Variants in PALM2AKAP2 observed in about 807,000 individuals in gnomAD.
PALM2AKAP2 encodes PALM2 and AKAP2 fusion.
A neutral mutation model predicts 71.5 loss-of-function variants in PALM2AKAP2; 37 were observed. The observed-to-expected ratio is 0.52, with a 90% confidence interval of 0.40 to 0.68. The LOEUF is 0.68. Among genes scored for constraint, PALM2AKAP2 ranks in the 30% least tolerant of loss-of-function variants. The pLI is 0.00. For synonymous variants in PALM2AKAP2, 468 were observed against 478.8 expected (o/e 0.98, Z 0.29); for missense variants, 1,224 against 1,191.8 (o/e 1.03, Z -0.40).
intron 3 of PALM2AKAP2, among the ~76,000 whole-genome samples, chr9:110,161,794 A>G (rs1055539079): frequency 3.3e-5 from 5 of 152,162 alleles, no homozygotes; most frequent in Non-Finnish European, 7.3e-5. Context: ...GATTGTGTAC[A>G]GAGGGGAAGG....
chr9:109,973,861 C>A (rs1361012762), intron 6 of PALM2AKAP2, among the ~76,000 whole-genome samples: 1 of 152,164 alleles, frequency 6.6e-6, no homozygotes, highest in Non-Finnish European at 1.5e-5. Flanking sequence ...GGTATATAGC[C>A]AGCCTTGGGC....
intron 2 of PALM2AKAP2, among the ~76,000 whole-genome samples, chr9:109,876,562 A>G (rs1040295508): frequency 6.6e-6 from 1 of 151,952 alleles, no homozygotes; most frequent in African/African-American, 2.4e-5. Context: ...TCACTGCAAC[A>G]TCTGCTTCCT....
At chr9:110,032,357 G>A (rs1428205272) in intron 7 of PALM2AKAP2, among the ~76,000 whole-genome samples, 1 of 151,852 alleles carries the variant, frequency 6.6e-6, no homozygotes, top group African/African-American at 2.4e-5. Context: ...TCAGGAGTTT[G>A]AGACCAGCCT....
At chr9:109,714,897 G>A (rs1329422660) in intron 1 of PALM2AKAP2, among the ~76,000 whole-genome samples, 2 of 152,204 alleles carry the variant, frequency 1.3e-5, no homozygotes, top group Non-Finnish European at 2.9e-5. Context: ...GAGCATGAGA[G>A]TTCCCATGGG....
chr9:109,849,109 A>G (rs1484502996), intron 1 of PALM2AKAP2, among the ~76,000 whole-genome samples: 3 of 152,070 alleles, frequency 2.0e-5, no homozygotes, highest in Admixed American at 2.0e-4. Context: ...TTAGAGAGAA[A>G]GAAAGAGGGA....
chr9:109,800,223 T>C (rs1827384345), intron 1 of PALM2AKAP2, among the ~76,000 whole-genome samples: 1 of 152,260 alleles, frequency 6.6e-6, no homozygotes, highest in African/African-American at 2.4e-5. Context: ...TCAAGGCATT[T>C]ATATTTAAGA....
At chr9:109,696,666 A>G (rs1361238754) in intron 1 of PALM2AKAP2, among the ~76,000 whole-genome samples, 1 of 152,180 alleles carries the variant, frequency 6.6e-6, no homozygotes, top group Non-Finnish European at 1.5e-5. Flanking sequence ...AAAATTGGAA[A>G]GGACCTAATA....
chr9:110,152,192 A>G (rs555072451), intron 2 of PALM2AKAP2, among the ~76,000 whole-genome samples: 1 of 152,120 alleles, frequency 6.6e-6, no homozygotes, highest in Non-Finnish European at 1.5e-5. Context: ...AACCCAGATC[A>G]CTGCACTCCA....
At chr9:110,002,719 G>C (rs2037201898) in intron 6 of PALM2AKAP2, among the ~76,000 whole-genome samples, 1 of 152,066 alleles carries the variant, frequency 6.6e-6, no homozygotes, top group South Asian at 2.1e-4. Flanking sequence ...GCCTGTTATT[G>C]GTCTATTCAG....
At chr9:109,640,878 C>T (rs1050941724) in intron 1 of PALM2AKAP2, 14 of 1,515,926 alleles carry the variant, frequency 9.2e-6, no homozygotes, top group Middle Eastern at 1.8e-4. Flanking sequence ...TGAGTATCCC[C>T]GAGCCGCGCC....
intron 6 of PALM2AKAP2, among the ~76,000 whole-genome samples, chr9:110,002,202 T>G (rs1165324587): frequency 6.6e-6 from 1 of 152,046 alleles, no homozygotes; most frequent in Non-Finnish European, 1.5e-5. Context: ...AATACCCAAT[T>G]TATTGAGAGT....
chr9:109,840,406 A>G (rs1417624672), intron 1 of PALM2AKAP2, among the ~76,000 whole-genome samples: 1 of 152,022 alleles, frequency 6.6e-6, no homozygotes, highest in South Asian at 2.1e-4. Flanking sequence ...CTAAAACCAT[A>G]AAAAACCCTA....
upstream of PALM2AKAP2, among the ~76,000 whole-genome samples, chr9:109,775,922 G>A (rs955432488): frequency 1.3e-5 from 2 of 152,184 alleles, no homozygotes; most frequent in African/African-American, 2.4e-5. Flanking sequence ...TTCGTATAAT[G>A]CTTTGCAATG....
chr9:109,770,434 C>T (rs1056989242), intron 1 of PALM2AKAP2, among the ~76,000 whole-genome samples: 1 of 152,194 alleles, frequency 6.6e-6, no homozygotes, highest in Non-Finnish European at 1.5e-5. Context: ...GTGAACTCTT[C>T]TCCCCTAAAG....
At chr9:109,845,856 T>C (rs1338045094) in intron 1 of PALM2AKAP2, among the ~76,000 whole-genome samples, 3 of 152,196 alleles carry the variant, frequency 2.0e-5, no homozygotes, top group Non-Finnish European at 4.4e-5. Flanking sequence ...CAGCCATCAT[T>C]CATTTACTTA....
intron 1 of PALM2AKAP2, among the ~76,000 whole-genome samples, chr9:110,108,118 C>CTTT (rs371354620): frequency 3.6e-5 from 4 of 111,228 alleles, no homozygotes; most frequent in Admixed American, 9.1e-5. Context: ...TTCTTTTTTT[C>CTTT]TTTTTTTTTT....
At chr9:110,074,777 T>C (rs1342478973) in intron 1 of PALM2AKAP2, among the ~76,000 whole-genome samples, 1 of 151,928 alleles carries the variant, frequency 6.6e-6, no homozygotes, top group African/African-American at 2.4e-5. Flanking sequence ...CTGAGGCAGG[T>C]GGATCACCTG....
intron 6 of PALM2AKAP2, among the ~76,000 whole-genome samples, chr9:109,990,562 A>G (rs1832461192): frequency 6.6e-6 from 1 of 152,242 alleles, no homozygotes; most frequent in Non-Finnish European, 1.5e-5. Context: ...GGCAGAGTTC[A>G]GAGCCAGCTC....
chr9:110,044,603 C>T (rs1452629108), upstream of PALM2AKAP2, among the ~76,000 whole-genome samples: 10 of 151,326 alleles, frequency 6.6e-5, no homozygotes, highest in Admixed American at 2.0e-4. Context: ...CCACCCGCTT[C>T]GGCCTCCCAA....
Sources: gnomAD v4.1 joint callset for allele counts (sites outside exome capture counted in the v4.1 genomes callset) on GRCh38, gnomAD v4.1.1 for gene constraint, MANE v1.5 for transcripts, NCBI Gene and HGNC (gene_info 2026-07-23, HGNC 2026-07-21) for gene names.